The following SLC52A2 variants were observed in gnomAD, a reference collection of about 807,000 sequenced individuals.
SLC52A2 encodes the protein solute carrier family 52, riboflavin transporter, member 2.
A neutral mutation model predicts 24.8 loss-of-function variants in SLC52A2; 16 were observed. The ratio of observed to expected loss-of-function variants is 0.64; its 90% confidence interval spans 0.44 to 0.98. SLC52A2 has a LOEUF of 0.98. Among genes scored for constraint, SLC52A2 ranks in the 50% least tolerant of loss-of-function variants. The pLI, the probability that SLC52A2 is intolerant of heterozygous loss-of-function variation, is 0.00. For missense variants in SLC52A2, 612 were observed against 575.9 expected, an observed-to-expected ratio of 1.06 and a Z score of -0.64; for synonymous variants, 335 against 276.3, an observed-to-expected ratio of 1.21 and a Z score of -2.11.
In SLC52A2 at chr8:144,358,634, C is replaced by G. The variant is rs115940535; in HGVS notation, c.-542C>G. Reference sequence around the variant, plus strand: ...GGGTGAGTCGGGTCGTGGCTGCTGCCGGGTCCTGCGCGCTCCGGACTGAGG... The same window carrying G: ...GGGTGAGTCGGGTCGTGGCTGCTGCGGGGTCCTGCGCGCTCCGGACTGAGG... On this transcript the variant is annotated 5_prime_UTR_variant, in exon 1 of 5. Transcript: ENST00000643944. 1 of 642,668 alleles carries G rather than the reference C, an allele frequency of 1.6e-6. No individual in the cohort carries two copies. The highest frequency in any genetic ancestry group is 2.2e-6 in the Non-Finnish European group (1 of 453,470). The allele number at this position is 642,668 out of a possible 1,614,324, so 39.8% of individuals were successfully genotyped here. A position where few individuals can be genotyped will look rare whatever the true frequency, so the allele number is the denominator to read the frequency against.
Position 144,359,330 on chromosome 8 carries a change from C to T in SLC52A2, c.37C>T (p.His13Tyr). 5 of 1,613,896 alleles carry T rather than the reference C, an allele frequency of 3.1e-6. No homozygotes were observed. Among genetic ancestry groups the T allele is most frequent in the Non-Finnish European group, 4.2e-6 (5 of 1,179,986 alleles). Residue 13 changes from histidine to tyrosine, a missense_variant, in exon 2 of 5, where the codon CAC becomes TAC. His to Tyr is a moderately conservative substitution (Grantham distance 83). Coordinates refer to ENST00000643944, the MANE Select transcript of SLC52A2 (RefSeq NM_001363118.2). ...CACGCCCGCCCGTCCGGTGCTGACC[C>T]ACCTGCTGGTGGCTCTCTTCGGCAT... ...APTPARPVLTHLLVALFGMGS... is the reference protein window; with the variant it reads ...APTPARPVLTYLLVALFGMGS...
rs782192779 is a variant in SLC52A2 at position 144,359,370 on chromosome 8, C to T, written c.77C>T (p.Ala26Val). 5 of 1,614,032 alleles carry T rather than the reference C, an allele frequency of 3.1e-6. No individual in the cohort carries two copies. The Admixed American group carries it at 5.0e-5, about 16-fold the overall frequency. Reference sequence around the variant, plus strand: ...CTCTTCGGCATGGGCTCCTGGGCTGCGGTCAATGGGATCTGGGTGGAGCTA... The same window carrying T: ...CTCTTCGGCATGGGCTCCTGGGCTGTGGTCAATGGGATCTGGGTGGAGCTA... ...VALFGMGSWA[A>V]VNGIWVELPV... Residue 26 changes from alanine to valine, a missense_variant, in exon 2 of 5, where the codon GCG (alanine) becomes GTG (valine). Transcript: ENST00000643944.
At position 144,360,294 on chromosome 8, in the gene SLC52A2, G is replaced by A. The variant is rs782104258; in HGVS notation, c.802G>A (p.Ala268Thr). Residue 268 changes from alanine to threonine, a missense_variant, in exon 3 of 5, where the codon GCC becomes ACC. By Grantham distance (58) the Ala-to-Thr change is moderately conservative. Coordinates refer to ENST00000643944, the MANE Select transcript of SLC52A2 (RefSeq NM_001363118.2). ...CACCACCCCTGGTCCAGACCCTAAG[G>A]CCTATCAGCTTCTATCAGCCCGCAG... ...AGTTPGPDPKAYQLLSARSAC... is the reference protein window; with the variant it reads ...AGTTPGPDPKTYQLLSARSAC... The A allele has an allele frequency of 1.9e-6, 3 of 1,611,434 alleles. No individual in the cohort carries two copies. The highest frequency in any genetic ancestry group is 1.7e-5 in the Admixed American group (1 of 60,026).
upstream of SLC52A2, chr8:144,358,608 C>T (rs1220705567): frequency 8.0e-6 from 7 of 874,524 alleles, no homozygotes; most frequent in Admixed American, 2.6e-4. Context: ...GGAACCGCCA[C>T]GGGTGAGTCG....
chr8:144,360,617 T>C lies in SLC52A2; in HGVS notation c.1029T>C (p.Ser343=), dbSNP rs782307288. 2.5e-6 allele frequency: 4 copies of C among 1,603,380 alleles called. No individual in the cohort carries two copies. Among genetic ancestry groups the C allele is most frequent in the East Asian group, 4.5e-5 (2 of 44,846 alleles). ...CCTTGGCAGGGCTGGGCGGCCTCTC[T>C]CTGCTGGGCGTGTTCTGTGGGGGCT... is the stretch of plus-strand genomic sequence containing the variant. ...CRSLAGLGGL[S]LLGVFCGGYL... Residue 343 remains serine (S), a synonymous_variant, in exon 4 of 5, where the codon TCT becomes TCC. Transcript: ENST00000643944.
chr8:144,360,254 A>G lies in SLC52A2; in HGVS notation c.762A>G (p.Pro254=). The G allele has an allele frequency of 6.2e-7, 1 of 1,612,456 alleles. No individual in the cohort carries two copies. Among genetic ancestry groups the G allele is most frequent in the Non-Finnish European group, 8.5e-7 (1 of 1,179,992 alleles). Residue 254 remains proline, a synonymous_variant, in exon 3 of 5, where the codon CCA becomes CCG. Transcript: ENST00000643944. ...AGTCCTCACCACTGCAAGAGCCACCAAGCCAGGCAGCAGGCACCACCCCTG... is the reference window on the plus strand; with the variant it reads ...AGTCCTCACCACTGCAAGAGCCACCGAGCCAGGCAGCAGGCACCACCCCTG... The part of the protein sequence containing the change: ...VEESSPLQEP[P]SQAAGTTPGP...
Position 144,359,303 on chromosome 8 carries a change from C to G in SLC52A2, c.10C>G (p.Pro4Ala), listed in dbSNP as rs782765026. ...CCCAGCCTTGGGCTGAATGGCAGCA[C>G]CCACGCCCGCCCGTCCGGTGCTGAC... is the stretch of plus-strand genomic sequence containing the variant. MAA[P>A]TPARPVLTHL... Residue 4 changes from proline (P) to alanine (A), a missense_variant, in exon 2 of 5, where the codon CCC (proline) becomes GCC (alanine). Coordinates refer to ENST00000643944, the MANE Select transcript of SLC52A2 (RefSeq NM_001363118.2). 3.1e-6 allele frequency: 5 copies of G among 1,612,204 alleles called. No homozygotes were observed. In the Admixed American group the frequency reaches 8.3e-5, roughly 27 times the overall value.
rs1586560314 is a variant in SLC52A2, at chr8:144,361,179, G to T, written c.*164G>T. 2.8e-6 allele frequency: 2 copies of T among 720,858 alleles called. No individual in the cohort carries two copies. The highest frequency in any genetic ancestry group is 5.4e-5 in the East Asian group (2 of 36,948). The allele number at this position is 720,858 out of a possible 1,614,324, so 44.7% of individuals were successfully genotyped here. ...TTTCCAGGGTGGGCAAGGGCAAGGA[G>T]CAGGCTTGGAGCCAGGGACCAGTGG... is the stretch of plus-strand genomic sequence containing the variant. On this transcript the variant is annotated 3_prime_UTR_variant, in exon 5 of 5. Coordinates refer to ENST00000643944, the MANE Select transcript of SLC52A2 (RefSeq NM_001363118.2).
intron 4 of SLC52A2, 35 bp downstream of exon 4, chr8:144,360,748 G>T (rs1233027677): frequency 1.2e-6 from 2 of 1,604,136 alleles, no homozygotes; most frequent in East Asian, 2.2e-5. Flanking sequence ...GGGTGGGGGG[G>T]CGTTGCCCTG....
intron 2 of SLC52A2, 34 bp from the exon 3 acceptor site, chr8:144,359,589 A>T: frequency 1.9e-6 from 3 of 1,604,986 alleles, no homozygotes; most frequent in Non-Finnish European, 2.6e-6. Context: ...CTTGGGCATC[A>T]TGACCCTGAC....
At position 144,361,049 on chromosome 8, in the gene SLC52A2, C is replaced by T. The variant is rs782665966; in HGVS notation, c.*34C>T. ...AGGTGGGGACCCCGCTCCCCAACAC[C>T]TGTCTTTCCCTCAATGCTGCCACCA... On this transcript the variant is annotated 3_prime_UTR_variant, in exon 5 of 5. Transcript: ENST00000643944. The T allele has an allele frequency of 1.6e-5, 26 of 1,595,138 alleles. No individual in the cohort carries two copies. Among genetic ancestry groups the T allele is most frequent in the Admixed American group, 6.7e-5 (4 of 59,632 alleles).
At chr8:144,359,150 T>A in intron 1 of SLC52A2, 34 bp from the exon 2 acceptor site, 1 of 1,312,520 alleles carries the variant, frequency 7.6e-7, no homozygotes. Flanking sequence ...TGACTCCGGC[T>A]CTGCATCCTA....
rs2130653128 is a variant in SLC52A2 at position 144,360,959 on chromosome 8, A to G, written c.1282A>G (p.Ser428Gly). The G allele has an allele frequency of 6.2e-7, 1 of 1,613,536 alleles. No individual in the cohort carries two copies. Among genetic ancestry groups the G allele is most frequent in the South Asian group, 1.1e-5 (1 of 91,088 alleles). Residue 428 changes from serine (S) to glycine (G), a missense_variant, in exon 5 of 5, where the codon AGC becomes GGC. By Grantham distance (56) the Ser-to-Gly change is moderately conservative (BLOSUM62 0). Transcript: ENST00000643944. Reference sequence around the variant, plus strand: ...CGCTGTTGCTATGTTCCCCCCGACCAGCATCTATCACGTGTTCCACAGCAG... The same window carrying G: ...CGCTGTTGCTATGTTCCCCCCGACCGGCATCTATCACGTGTTCCACAGCAG... ...LGAVAMFPPT[S>G]IYHVFHSRKD...
chr8:144,359,783 T>C lies in SLC52A2; in HGVS notation c.291T>C (p.Ser97=). The C allele has an allele frequency of 6.2e-7, 1 of 1,613,692 alleles. No homozygotes were observed. The highest frequency in any genetic ancestry group is 1.1e-5 in the South Asian group (1 of 91,092). Residue 97 remains serine, a synonymous_variant, in exon 3 of 5, where the codon TCT becomes TCC. Coordinates refer to ENST00000643944, the MANE Select transcript of SLC52A2 (RefSeq NM_001363118.2). The part of the protein sequence containing the change: ...LGMVGTALLA[S]LWHHVAPVAG... ...TGGTGGGCACAGCCCTGCTGGCCTC[T>C]CTGTGGCACCATGTGGCCCCAGTGG...
At position 144,360,809 on chromosome 8, in the gene SLC52A2, T is replaced by C; in HGVS notation, c.1132T>C (p.Ser378Pro). 1 of 1,612,898 alleles carries C rather than the reference T, an allele frequency of 6.2e-7. No individual in the cohort carries two copies. Residue 378 changes from serine to proline, a missense_variant, in exon 5 of 5, where the codon TCG becomes CCG. Coordinates refer to ENST00000643944, the MANE Select transcript of SLC52A2 (RefSeq NM_001363118.2). ...TSAGVVLVVL[S>P]WVLCLGVFSY... Reference sequence around the variant, plus strand: ...GGTGCTGTGTCCCCCTCAGGTGCTGTCGTGGGTGCTGTGTCTTGGCGTGTT... The same window carrying C: ...GGTGCTGTGTCCCCCTCAGGTGCTGCCGTGGGTGCTGTGTCTTGGCGTGTT...
At position 144,360,068 on chromosome 8, in the gene SLC52A2, C is replaced by T. The variant is rs782333547; in HGVS notation, c.576C>T (p.Pro192=). 2.5e-5 allele frequency: 41 copies of T among 1,613,016 alleles called. 1 individual carries two copies. The highest frequency in any genetic ancestry group is 3.3e-4 in the Middle Eastern group (2 of 6,062). ...CGCTCGACTTCCTTGAGCGTTTTCC[C>T]GCCAGCACCTTCTTCTGGGCACTGA... ...GPPLDFLERF[P]ASTFFWALTA... is the part of the protein sequence containing the mutation. Residue 192 remains proline (P), a synonymous_variant, in exon 3 of 5, where the codon CCC becomes CCT. Transcript: ENST00000643944.
Position 144,360,673 on chromosome 8 carries a change from G to A in SLC52A2, c.1085G>A (p.Cys362Tyr), listed in dbSNP as rs1554854456. 1 of 1,604,772 alleles carries A rather than the reference G, an allele frequency of 6.2e-7. No individual in the cohort carries two copies. Among genetic ancestry groups the A allele is most frequent in the Admixed American group, 1.7e-5 (1 of 59,936 alleles). The part of the protein sequence containing the change: ...YLMALAVLSP[C>Y]PPLVGTSAGV... The stretch of plus-strand genomic sequence containing the variant: ...ATGGCGCTGGCAGTCCTGAGCCCCT[G>A]CCCGCCCCTGGTGGGCACCTCGGCG... Residue 362 changes from cysteine (C) to tyrosine (Y), a missense_variant, in exon 4 of 5, where the codon TGC becomes TAC. Cys to Tyr is a radical substitution (Grantham distance 194). Coordinates refer to ENST00000643944, the MANE Select transcript of SLC52A2 (RefSeq NM_001363118.2).
chr8:144,358,829 T>C lies in SLC52A2; in HGVS notation c.-347T>C. The C allele has an allele frequency of 9.0e-6, 2 of 222,144 alleles. No individual in the cohort carries two copies. The highest frequency in any genetic ancestry group is 8.8e-6 in the Non-Finnish European group (1 of 113,492). The allele number at this position is 222,144 out of a possible 1,614,324, so 13.8% of individuals were successfully genotyped here. On this transcript the variant is annotated 5_prime_UTR_variant, in exon 1 of 5. Transcript: ENST00000643944. ...CTCCGAGCAGAGCCGTCCCGGCCACTCCCCTGGGATCTGACTTGGCTCTTG... is the reference window on the plus strand; with the variant it reads ...CTCCGAGCAGAGCCGTCCCGGCCACCCCCCTGGGATCTGACTTGGCTCTTG...
At position 144,359,185 on chromosome 8, in the gene SLC52A2, TAGA is replaced by T. The variant is rs538513207; in HGVS notation, c.-103_-101del. On this transcript the variant is annotated splice_region_variant and 5_prime_UTR_variant, in exon 2 of 5. Coordinates refer to ENST00000643944, the MANE Select transcript of SLC52A2 (RefSeq NM_001363118.2). ...ATCTGTTTCTCTGTTTCTTTCAAGC[TAGA>T]AGAAGTCTTCACTTCCCAGGAGAGC... is the stretch of plus-strand genomic sequence containing the variant. 1,925 of 1,480,878 alleles carry T rather than the reference TAGA, an allele frequency of 1.3e-3. 20 individuals carry two copies. The African/African-American group carries it at 0.024, about 19-fold the overall frequency. The allele number at this position is 1,480,878 out of a possible 1,614,324, so 91.7% of individuals were successfully genotyped here.
Sources: allele counts gnomAD v4.1 joint callset, GRCh38; gene constraint gnomAD v4.1.1; transcripts MANE v1.5; gene names NCBI Gene and HGNC (gene_info 2026-07-23, HGNC 2026-07-21).